GRIK4: variants seen among roughly 807,000 people sequenced by gnomAD.
GRIK4 encodes the protein glutamate receptor ionotropic, kainate 4.
A neutral mutation model predicts 104.9 loss-of-function variants in GRIK4; 40 were observed. The ratio of observed to expected loss-of-function variants is 0.38; its 90% CI spans 0.30 to 0.50. GRIK4 has a LOEUF of 0.50. GRIK4 is among the 20% of genes least tolerant of loss of function. The pLI is 0.93. For missense variants in GRIK4, 1,047 were observed against 1,308.1 expected (o/e 0.80, Z 3.08); for synonymous variants, 485 against 524.9 (o/e 0.92, Z 1.04).
intron 3 of GRIK4, among the ~76,000 whole-genome samples, chr11:120,763,359 G>A (rs1362566669): frequency 6.6e-6 from 1 of 152,010 alleles, no homozygotes; most frequent in Non-Finnish European, 1.5e-5. Context: ...CTGGTTAGTG[G>A]TCTATCTATT....
intron 11 of GRIK4, among the ~76,000 whole-genome samples, chr11:120,882,572 G>A (rs1398837376): frequency 1.3e-5 from 2 of 152,180 alleles, no homozygotes; most frequent in African/African-American, 4.8e-5. Context: ...ATGGGTGGCT[G>A]GGGGGCTGCT....
intron 1 of GRIK4, among the ~76,000 whole-genome samples, chr11:120,596,629 G>A (rs950727696): frequency 1.3e-5 from 2 of 152,192 alleles, no homozygotes; most frequent in African/African-American, 4.8e-5. Flanking sequence ...TCTCTATAAA[G>A]CATATGGAGA....
intron 1 of GRIK4, among the ~76,000 whole-genome samples, chr11:120,602,773 G>T (rs1409638437): frequency 6.6e-6 from 1 of 152,196 alleles, no homozygotes; most frequent in African/African-American, 2.4e-5. Context: ...TGCAGTCATA[G>T]CTCACTGCAG....
At chr11:120,775,738 G>A (rs1003438897) in intron 3 of GRIK4, among the ~76,000 whole-genome samples, 3 of 152,344 alleles carry the variant, frequency 2.0e-5, no homozygotes, top group African/African-American at 2.4e-5. Flanking sequence ...ATGACAATCC[G>A]ACAATCCTGA....
chr11:120,661,407 G>A (rs1344745237), intron 3 of GRIK4, among the ~76,000 whole-genome samples: 2 of 152,186 alleles, frequency 1.3e-5, no homozygotes, highest in Admixed American at 6.5e-5. Flanking sequence ...TTACCCCAAC[G>A]GATAACCACA....
chr11:120,537,043 A>G (rs1947984970), intron 1 of GRIK4, among the ~76,000 whole-genome samples: 1 of 152,194 alleles, frequency 6.6e-6, no homozygotes, highest in South Asian at 2.1e-4. Context: ...ACGTTGATAA[A>G]GTCCACAGTT....
At chr11:120,858,638 G>A (rs1287789189) in intron 8 of GRIK4, 3 of 152,170 alleles carry the variant, frequency 2.0e-5, no homozygotes, top group Non-Finnish European at 4.4e-5. Context: ...AGCCTTATCT[G>A]AGCATGGAAC....
rs1333262691 is a variant in GRIK4 at position 120,960,944 on chromosome 11, C to T, written c.1910C>T (p.Thr637Met). The T allele has an allele frequency of 6.2e-6, 10 of 1,613,896 alleles. No individual in the cohort carries two copies. The highest frequency in any genetic ancestry group is 2.2e-5 in the South Asian group (2 of 91,018). The change falls in exon 17 of 21, where the codon ACG (threonine) becomes ATG (methionine). Residue 637 changes from threonine to methionine, a missense_variant. Physicochemically the swap from Thr to Met is moderately conservative, Grantham distance 81. This residue lies in a region of GRIK4 where 440 missense variants were observed against 652.3 expected (regional missense o/e 0.67). Coordinates refer to ENST00000527524, the MANE Select transcript of GRIK4 (RefSeq NM_014619.5). ...AFTLIIISSY[T>M]ANLAAFLTVQ... ...ACGCTGATCATCATCTCATCCTACA[C>T]GGCCAACCTGGCAGCCTTCCTGACC...
At chr11:120,912,917 T>C (rs998016598) in intron 13 of GRIK4, among the ~76,000 whole-genome samples, 6 of 152,170 alleles carry the variant, frequency 3.9e-5, no homozygotes, top group African/African-American at 1.4e-4. Context: ...TTGGAGTTTT[T>C]GTCGAGATGC....
At chr11:120,842,331 G>C (rs1468225019) in intron 8 of GRIK4, among the ~76,000 whole-genome samples, 1 of 152,188 alleles carries the variant, frequency 6.6e-6, no homozygotes, top group Non-Finnish European at 1.5e-5. Flanking sequence ...TCATACATGG[G>C]AGGGTTTATG....
At chr11:120,691,446 T>A (rs796664857) in intron 3 of GRIK4, among the ~76,000 whole-genome samples, 7 of 152,316 alleles carry the variant, frequency 4.6e-5, no homozygotes, top group African/African-American at 1.7e-4. Flanking sequence ...TATTGCCCCA[T>A]CTTTGCAGTT....
intron 6 of GRIK4, among the ~76,000 whole-genome samples, chr11:120,822,375 T>C (rs1953151212): frequency 6.6e-6 from 1 of 152,074 alleles, no homozygotes; most frequent in African/African-American, 2.4e-5. Flanking sequence ...GGTAGCTTGG[T>C]TTGGCTAGAG....
chr11:120,610,242 A>G (rs191108650), intron 1 of GRIK4, among the ~76,000 whole-genome samples: 2 of 152,204 alleles, frequency 1.3e-5, no homozygotes, highest in Admixed American at 6.5e-5. Context: ...TTCCCCCAGA[A>G]CAGCCAAGTA....
intron 13 of GRIK4, among the ~76,000 whole-genome samples, chr11:120,929,371 C>G (rs1490652728): frequency 6.6e-6 from 1 of 152,096 alleles, no homozygotes; most frequent in Non-Finnish European, 1.5e-5. Flanking sequence ...AGTGAGCCTC[C>G]CTGGCTCCTT....
rs2134821994 is a variant in GRIK4, at chr11:120,986,541, T to C, written c.*281T>C. 1 of 416,720 alleles carries C rather than the reference T, an allele frequency of 2.4e-6. No homozygotes were observed. The highest frequency in any genetic ancestry group is 5.0e-5 in the East Asian group (1 of 20,010). The allele number at this position is 416,720 out of a possible 1,614,324, so 25.8% of individuals were successfully genotyped here. On this transcript the variant is annotated 3_prime_UTR_variant, in exon 21 of 21. Transcript: ENST00000527524. ...TCTTCTCCCAGTGGGTCTTTCCCTC[T>C]CGCCAAAATAACAAGAGTATAGGGT...
At chr11:120,964,411 G>A (rs1944348477) in intron 18 of GRIK4, among the ~76,000 whole-genome samples, 1 of 152,118 alleles carries the variant, frequency 6.6e-6, no homozygotes, top group Admixed American at 6.5e-5. Flanking sequence ...TGAACTGGAG[G>A]CTTCACTCTG....
intron 3 of GRIK4, among the ~76,000 whole-genome samples, chr11:120,681,275 C>T (rs770947444): frequency 4.1e-4 from 62 of 152,094 alleles, no homozygotes; most frequent in Non-Finnish European, 7.6e-4. Flanking sequence ...AGGAGGGAAG[C>T]GCAGGAGTGG....
intron 1 of GRIK4, among the ~76,000 whole-genome samples, chr11:120,608,101 A>G (rs1444265512): frequency 6.6e-6 from 1 of 152,208 alleles, no homozygotes; most frequent in Admixed American, 6.5e-5. Flanking sequence ...GAGGTTTTTG[A>G]GCAAGGAAGT....
chr11:120,866,556 C>T (rs992576456), intron 9 of GRIK4, among the ~76,000 whole-genome samples: 7 of 152,202 alleles, frequency 4.6e-5, no homozygotes, highest in Non-Finnish European at 8.8e-5. Context: ...AAGGCCTCAG[C>T]ATCTTATGCT....
Sources: gnomAD v4.1 joint callset for allele counts (sites outside exome capture counted in the v4.1 genomes callset) on GRCh38, gnomAD v4.1.1 for gene constraint, gnomAD v4.1.1 regional missense constraint, MANE v1.5 for transcripts, NCBI Gene and HGNC (gene_info 2026-07-23, HGNC 2026-07-21) for gene names.